Variants in NECAB2 observed in about 807,000 individuals in gnomAD.
The protein encoded by NECAB2 is N-terminal EF-hand calcium-binding protein 2.
A neutral mutation model predicts 51.9 loss-of-function variants in NECAB2; 68 were observed. The observed-to-expected ratio is 1.31, with a 90% CI of 1.08 to 1.60. The LOEUF (loss-of-function observed/expected upper bound fraction) is 1.60. Among genes scored for constraint, NECAB2 ranks in the 40% most tolerant of loss-of-function variants. The pLI is 0.00. For synonymous variants in NECAB2, 329 were observed against 203.5 expected (o/e 1.62, Z -5.25); for missense variants, 854 against 490.3 (o/e 1.74, Z -7.00).
At chr16:83,984,353 G>C (rs2151091358) in intron 5 of NECAB2, among the ~76,000 whole-genome samples, 1 of 151,964 alleles carries the variant, frequency 6.6e-6, no homozygotes, top group African/African-American at 2.4e-5. Flanking sequence ...GTCATGCATG[G>C]AATGTTTTAT....
chr16:83,993,214 G>T (rs1239103957), intron 6 of NECAB2, among the ~76,000 whole-genome samples: 1 of 152,162 alleles, frequency 6.6e-6, no homozygotes, highest in Non-Finnish European at 1.5e-5. Flanking sequence ...CAGGCTACTG[G>T]CTCAGACCCC....
chr16:83,999,125 C>G (rs553093708), intron 10 of NECAB2, among the ~76,000 whole-genome samples: 86 of 152,306 alleles, frequency 5.6e-4, no homozygotes, highest in African/African-American at 2.0e-3. Flanking sequence ...TGAGAGGGGT[C>G]TTCTTGGGCC....
chr16:83,980,273 T>G (rs8057169), intron 3 of NECAB2, among the ~76,000 whole-genome samples: 43,815 of 152,132 alleles, frequency 0.29, 11,348 homozygotes, highest in African/African-American at 0.7. Context: ...CTGCACCCCT[T>G]ATCTTGGGGC....
At position 83,990,631 on chromosome 16, in the gene NECAB2, G is replaced by T; in HGVS notation, c.596+1G>T. The T allele has an allele frequency of 6.2e-7, 1 of 1,614,036 alleles. No individual in the cohort carries two copies. The highest frequency in any genetic ancestry group is 8.5e-7 in the Non-Finnish European group (1 of 1,180,026). ...TCGAGGAACAGACCAGCCAGCTCCG[G>T]TGAGTCTCTGAGACCCTGCAGGGTC... On this transcript the variant is annotated splice_donor_variant, in intron 6 of 12. Coordinates refer to ENST00000305202, the MANE Select transcript of NECAB2 (RefSeq NM_019065.3). LOFTEE classifies it high-confidence loss of function.
chr16:83,982,945 T>A (rs576344403), intron 5 of NECAB2, among the ~76,000 whole-genome samples: 2 of 152,120 alleles, frequency 1.3e-5, no homozygotes, highest in African/African-American at 4.8e-5. Flanking sequence ...GTCGCCTCAC[T>A]GCAACCTCTG....
In NECAB2 at chr16:84,002,476, C is replaced by G. The variant is rs571803835; in HGVS notation, c.*130C>G. ...TCCATCCTCCACAAGAAGGTGTTTC[C>G]CTGTTGTTAAGTGAAGGAGGCCGCC... On this transcript the variant is annotated 3_prime_UTR_variant, in exon 13 of 13. Coordinates refer to ENST00000305202, the MANE Select transcript of NECAB2 (RefSeq NM_019065.3). 11 of 1,306,466 alleles carry G rather than the reference C, an allele frequency of 8.4e-6. No homozygotes were observed. The South Asian group carries it at 1.2e-4, about 14-fold the overall frequency. The allele number at this position is 1,306,466 out of a possible 1,614,324, so 80.9% of individuals were successfully genotyped here.
At chr16:83,972,000 C>G in intron 1 of NECAB2, 151 bp from the exon 2 acceptor site, 1 of 1,032,716 alleles carries the variant, frequency 9.7e-7, no homozygotes, top group Non-Finnish European at 1.4e-6. Context: ...TGGATCCCAG[C>G]CCGGGGAGGG....
chr16:83,999,920 G>A (rs2084791408), intron 10 of NECAB2, among the ~76,000 whole-genome samples: 1 of 144,500 alleles, frequency 6.9e-6, no homozygotes, highest in African/African-American at 2.9e-5. Flanking sequence ...TTGCTTTATT[G>A]TCCAGGCAGG....
At position 83,994,606 on chromosome 16, in the gene NECAB2, C is replaced by A; in HGVS notation, c.716-3C>A. ...AGTCTGTGTGTCTCTTTCTCTACCG[C>A]AGCCACGGAGGATGCAAAGGAAGAG... On this transcript the variant is annotated splice_polypyrimidine_tract_variant and splice_region_variant and intron_variant, in intron 7 of 12. Transcript: ENST00000305202. The A allele has an allele frequency of 1.2e-6, 2 of 1,614,150 alleles. No homozygotes were observed. The highest frequency in any genetic ancestry group is 1.7e-6 in the Non-Finnish European group (2 of 1,180,042).
intron 5 of NECAB2, among the ~76,000 whole-genome samples, chr16:83,984,642 G>T (rs1246004229): frequency 6.6e-6 from 1 of 151,924 alleles, no homozygotes; most frequent in East Asian, 2.0e-4. Context: ...GAGGTGAGAG[G>T]ATCTCTGGAG....
intron 10 of NECAB2, among the ~76,000 whole-genome samples, chr16:83,999,454 C>T (rs1233350194): frequency 1.3e-5 from 2 of 152,160 alleles, no homozygotes; most frequent in African/African-American, 2.4e-5. Context: ...GACGGCAAGC[C>T]TGGAGAGCCA....
At chr16:83,984,728 C>G (rs542630870) in intron 5 of NECAB2, among the ~76,000 whole-genome samples, 1 of 152,148 alleles carries the variant, frequency 6.6e-6, no homozygotes, top group African/African-American at 2.4e-5. Flanking sequence ...AACCCTGTCT[C>G]TCAAAAATAA....
intron 12 of NECAB2, 117 bp downstream of exon 12, chr16:84,002,033 C>G: frequency 8.2e-7 from 1 of 1,213,102 alleles, no homozygotes; most frequent in Non-Finnish European, 1.2e-6. Flanking sequence ...CCACTGTCAG[C>G]TCCTGCCACC....
intron 1 of NECAB2, among the ~76,000 whole-genome samples, chr16:83,970,267 C>T (rs2084333942): frequency 6.6e-6 from 1 of 152,140 alleles, no homozygotes; most frequent in Non-Finnish European, 1.5e-5. Flanking sequence ...AGGTGTCAGC[C>T]CTGCCATGTC....
chr16:83,968,619 C>A lies in NECAB2; in HGVS notation c.-30C>A. The A allele has an allele frequency of 1.0e-6, 1 of 978,572 alleles. No individual in the cohort carries two copies. Among genetic ancestry groups the A allele is most frequent in the Non-Finnish European group, 1.2e-6 (1 of 827,070 alleles). The allele number at this position is 978,572 out of a possible 1,614,324, so 60.6% of individuals were successfully genotyped here. ...CCGCAGCTGGGCGGGGGTCGGCGGG[C>A]TTCCGGGCGGCGGCGGCGGGCGCGG... is the stretch of plus-strand genomic sequence containing the variant. On this transcript the variant is annotated 5_prime_UTR_variant, in exon 1 of 13. Transcript: ENST00000305202.
In NECAB2 at chr16:84,000,474, C is replaced by A. The variant is rs557091884; in HGVS notation, c.963-250C>A. ...CTCCAGCCTGGGCAACAGAGTGAGACCCTATCTCAAAAGAAAAACTACACT... is the reference window on the plus strand; with the variant it reads ...CTCCAGCCTGGGCAACAGAGTGAGAACCTATCTCAAAAGAAAAACTACACT... On this transcript the variant is annotated intron_variant, in intron 10 of 12. Transcript: ENST00000305202. Among the ~76,000 whole-genome samples the A allele has an allele frequency of 7.2e-5, 11 of 152,244 alleles. No individual in the cohort carries two copies. In the East Asian group the frequency reaches 2.1e-3, roughly 29 times the overall value.
intron 4 of NECAB2, 43 bp downstream of exon 4, chr16:83,980,907 A>G (rs1182588463): frequency 6.2e-7 from 1 of 1,613,166 alleles, no homozygotes; most frequent in Admixed American, 1.7e-5. Context: ...GGATGCTGGG[A>G]TGGGGCTGGA....
intron 5 of NECAB2, among the ~76,000 whole-genome samples, chr16:83,981,724 G>T (rs2084492134): frequency 6.6e-6 from 1 of 152,142 alleles, no homozygotes; most frequent in Admixed American, 6.6e-5. Flanking sequence ...TGGGAGTGTA[G>T]CATGAGACTC....
rs1332638775 is a variant in NECAB2, at chr16:84,002,366, G to A, written c.*20G>A. On this transcript the variant is annotated 3_prime_UTR_variant, in exon 13 of 13. Coordinates refer to ENST00000305202, the MANE Select transcript of NECAB2 (RefSeq NM_019065.3). Reference sequence around the variant, plus strand: ...GACTGACAGCCTCCCAGAGGCCCGTGGAGGAGCCCACCAGCCCCTTCTTCT... The same window carrying A: ...GACTGACAGCCTCCCAGAGGCCCGTAGAGGAGCCCACCAGCCCCTTCTTCT... The A allele has an allele frequency of 3.1e-6, 5 of 1,613,138 alleles. No individual in the cohort carries two copies. In the East Asian group the frequency reaches 8.9e-5, roughly 29 times the overall value.
Sources: gnomAD v4.1 joint callset for allele counts (sites outside exome capture counted in the v4.1 genomes callset) on GRCh38, gnomAD v4.1.1 for gene constraint, MANE v1.5 for transcripts, NCBI Gene and HGNC (gene_info 2026-07-23, HGNC 2026-07-21) for gene names.